CCDC178: variants seen among roughly 807,000 people sequenced by gnomAD.
CCDC178 encodes the protein coiled-coil domain containing 178, also known as coiled-coil domain-containing protein 178.
Under a neutral mutation model 117.4 loss-of-function variants are expected in CCDC178, and 126 were observed. That is an observed-to-expected ratio of 1.07 (90% confidence interval 0.93 to 1.24). The LOEUF (loss-of-function observed/expected upper bound fraction) is 1.24. Among genes scored for constraint, CCDC178 ranks in the 50% most tolerant of loss-of-function variants. The pLI is 0.00. For synonymous variants in CCDC178, 283 were observed against 313.4 expected, an observed-to-expected ratio of 0.90 and a Z score of 1.02; for missense variants, 1,030 against 986.9, an observed-to-expected ratio of 1.04 and a Z score of -0.59.
chr18:33,211,316 T>G (rs1486349452), intron 20 of CCDC178, among the ~76,000 whole-genome samples: 1 of 151,854 alleles, frequency 6.6e-6, no homozygotes, highest in African/African-American at 2.4e-5. Context: ...TATTGCAAAA[T>G]TTAAAATGGG....
intron 20 of CCDC178, among the ~76,000 whole-genome samples, chr18:33,193,035 G>A (rs185843417): frequency 4.0e-5 from 6 of 151,300 alleles, no homozygotes; most frequent in East Asian, 2.0e-4. Context: ...CGAGGCAGGC[G>A]GATCACGAGG....
intron 21 of CCDC178, among the ~76,000 whole-genome samples, chr18:33,024,057 A>T (rs2056175847): frequency 6.6e-6 from 1 of 152,226 alleles, no homozygotes; most frequent in Non-Finnish European, 1.5e-5. Flanking sequence ...GAAACAGGTC[A>T]TCTAAACAAG....
intron 22 of CCDC178, among the ~76,000 whole-genome samples, chr18:32,941,434 T>C (rs766606896): frequency 1.3e-5 from 2 of 152,072 alleles, no homozygotes; most frequent in Non-Finnish European, 2.9e-5. Flanking sequence ...GAAAACATGA[T>C]CTTTCAGGAG....
chr18:33,361,627 A>T (rs1355522311), intron 6 of CCDC178, among the ~76,000 whole-genome samples: 2 of 151,852 alleles, frequency 1.3e-5, no homozygotes, highest in Non-Finnish European at 2.9e-5. Context: ...AAACCAAATA[A>T]CCTGATTTAA....
At chr18:33,011,660 C>A (rs2055867994) in intron 21 of CCDC178, among the ~76,000 whole-genome samples, 1 of 151,210 alleles carries the variant, frequency 6.6e-6, no homozygotes. Flanking sequence ...TCTGTTACTG[C>A]ACGTAAACTC....
At chr18:33,408,226 AG>A (rs1391970216) in intron 3 of CCDC178, among the ~76,000 whole-genome samples, 2 of 151,868 alleles carry the variant, frequency 1.3e-5, no homozygotes, top group African/African-American at 4.8e-5. Context: ...AAAATTATAA[AG>A]AATGATCTTT....
chr18:33,080,567 T>C (rs2057281289), intron 21 of CCDC178, among the ~76,000 whole-genome samples: 2 of 152,162 alleles, frequency 1.3e-5, no homozygotes, highest in South Asian at 4.1e-4. Flanking sequence ...ATCAATCCTG[T>C]TGACACTTTC....
chr18:33,184,013 C>T (rs1204823418), intron 20 of CCDC178, among the ~76,000 whole-genome samples: 5 of 152,016 alleles, frequency 3.3e-5, no homozygotes, highest in African/African-American at 9.7e-5. Flanking sequence ...TCACTGCCAC[C>T]TATTAATATG....
intron 15 of CCDC178, among the ~76,000 whole-genome samples, chr18:33,236,671 A>C (rs2059430265): frequency 6.6e-6 from 1 of 152,220 alleles, no homozygotes; most frequent in Admixed American, 6.5e-5. Context: ...CGCACCCCAA[A>C]AAGAACCAAA....
At chr18:33,058,357 G>T (rs1049527043) in intron 21 of CCDC178, among the ~76,000 whole-genome samples, 4 of 152,184 alleles carry the variant, frequency 2.6e-5, no homozygotes, top group Admixed American at 2.6e-4. Context: ...AACATGGTAA[G>T]CCTTGAACAT....
intron 4 of CCDC178, among the ~76,000 whole-genome samples, chr18:33,390,862 AATAC>A (rs1186216299): frequency 4.6e-5 from 7 of 151,828 alleles, no homozygotes; most frequent in Non-Finnish European, 1.0e-4. Context: ...ATATATTATA[AATAC>A]ATACACACAT....
intron 21 of CCDC178, among the ~76,000 whole-genome samples, chr18:33,021,411 T>C (rs947350329): frequency 1.3e-5 from 2 of 152,128 alleles, no homozygotes; most frequent in Non-Finnish European, 2.9e-5. Context: ...ATGTTAAAAA[T>C]AACAGGCCAG....
chr18:33,116,237 G>T (rs1042238706), intron 20 of CCDC178, among the ~76,000 whole-genome samples: 2 of 152,050 alleles, frequency 1.3e-5, no homozygotes, highest in Non-Finnish European at 2.9e-5. Context: ...TCATAACTGT[G>T]GTGGCCAAAT....
At chr18:33,218,003 C>T (rs1409813682) in intron 18 of CCDC178, among the ~76,000 whole-genome samples, 1 of 152,086 alleles carries the variant, frequency 6.6e-6, no homozygotes, top group East Asian at 1.9e-4. Context: ...GCTGTTATGT[C>T]TGTGCACTTA....
intron 21 of CCDC178, among the ~76,000 whole-genome samples, chr18:33,031,833 T>C (rs1351041221): frequency 3.3e-5 from 5 of 152,158 alleles, no homozygotes; most frequent in Admixed American, 2.6e-4. Flanking sequence ...AAAATAAAAA[T>C]ATCTCTCAGG....
chr18:32,970,369 G>T (rs1438972183), intron 22 of CCDC178, among the ~76,000 whole-genome samples: 1 of 151,592 alleles, frequency 6.6e-6, no homozygotes, highest in Admixed American at 6.6e-5. Context: ...CTCAATATTG[G>T]TTATATACAA....
chr18:33,128,757 T>C (rs1159760404), intron 20 of CCDC178, among the ~76,000 whole-genome samples: 1 of 152,160 alleles, frequency 6.6e-6, no homozygotes, highest in East Asian at 1.9e-4. Flanking sequence ...TGACTAACAT[T>C]TTACCCCGCA....
chr18:33,422,262 G>A (rs1273019308), intron 2 of CCDC178, among the ~76,000 whole-genome samples: 1 of 152,048 alleles, frequency 6.6e-6, no homozygotes, highest in East Asian at 1.9e-4. Context: ...AAATAGAAAT[G>A]CTTTTTTTCC....
chr18:33,426,521 G>A (rs561979850), intron 2 of CCDC178, among the ~76,000 whole-genome samples: 26 of 152,212 alleles, frequency 1.7e-4, no homozygotes, highest in Non-Finnish European at 3.2e-4. Context: ...TGTATTTTAC[G>A]TTCTGTATTC....
Sources: gnomAD v4.1 joint callset for allele counts (sites outside exome capture counted in the v4.1 genomes callset) on GRCh38, gnomAD v4.1.1 for gene constraint, MANE v1.5 for transcripts, NCBI Gene and HGNC (gene_info 2026-07-23, HGNC 2026-07-21) for gene names.